Variants in RAD54B observed in about 807,000 individuals in gnomAD.
RAD54B encodes DNA repair and recombination protein RAD54B.
A neutral mutation model predicts 95.8 loss-of-function variants in RAD54B; 78 were observed. The observed-to-expected ratio is 0.81, with a 90% confidence interval of 0.68 to 0.98. The LOEUF (loss-of-function observed/expected upper bound fraction) is 0.98. Among genes scored for constraint, RAD54B ranks in the 50% least tolerant of loss-of-function variants. The pLI is 0.00. For missense variants in RAD54B, 957 were observed against 1,056.6 expected (o/e 0.91, Z 1.31); for synonymous variants, 328 against 354.9 (o/e 0.92, Z 0.85).
chr8:94,398,258 A>AT (rs1462888611), intron 8 of RAD54B, among the ~76,000 whole-genome samples: 1 of 152,064 alleles, frequency 6.6e-6, no homozygotes, highest in Admixed American at 6.6e-5. Context: ...TCCCAAAATC[A>AT]TTTTTTTAAA....
chr8:94,409,208 A>G (rs1343321746), intron 4 of RAD54B, among the ~76,000 whole-genome samples: 1 of 152,128 alleles, frequency 6.6e-6, no homozygotes, highest in Non-Finnish European at 1.5e-5. Context: ...AGGTTAATAC[A>G]TTTATTAATG....
chr8:94,392,611 T>C (rs116075321), intron 9 of RAD54B, among the ~76,000 whole-genome samples: 2,750 of 151,714 alleles, frequency 0.018, 73 homozygotes, highest in African/African-American at 0.062. Context: ...CGTTTTATTT[T>C]TTTGAAACAG....
rs1286194061 is a variant in RAD54B at position 94,400,409 on chromosome 8, T to G, written c.999A>C (p.Thr333=). The change falls in exon 7 of 15, where the codon ACA becomes ACC. Residue 333 remains threonine, a synonymous_variant. Transcript: ENST00000336148. ...ILADEMGLGK[T]LQCISLIWTL... ...TCCAGATGAGCGAAATACATTGCAA[T>G]GTCTTCCCTAAACCCATTTCATCAG... is the stretch of plus-strand genomic sequence containing the variant. 1 of 1,613,724 alleles carries G rather than the reference T, an allele frequency of 6.2e-7. No individual in the cohort carries two copies. The highest frequency in any genetic ancestry group is 8.5e-7 in the Non-Finnish European group (1 of 1,179,842).
intron 3 of RAD54B, chr8:94,430,240 A>G (rs1812055142): frequency 1.3e-6 from 1 of 775,260 alleles, no homozygotes; most frequent in Non-Finnish European, 1.6e-6. Flanking sequence ...GAACCCAGGA[A>G]ACGGAGATTG....
At chr8:94,436,501 A>T (rs985316036) in intron 3 of RAD54B, 4 of 1,544,692 alleles carry the variant, frequency 2.6e-6, no homozygotes, top group Non-Finnish European at 3.5e-6. Context: ...TTACCTTTGT[A>T]TGTGGTTCCT....
At chr8:94,430,963 T>G in intron 3 of RAD54B, 3 of 985,382 alleles carry the variant, frequency 3.0e-6, no homozygotes, top group Non-Finnish European at 3.6e-6. Context: ...CCCATTCTTT[T>G]GTCTTTTTTC....
chr8:94,392,764 A>ATTTTGTT (rs1811052459), intron 9 of RAD54B, among the ~76,000 whole-genome samples: 1 of 72,602 alleles, frequency 1.4e-5, no homozygotes, highest in African/African-American at 5.8e-5. Context: ...CACCTGGCTG[A>ATTTTGTT]TTTTTTTTTT....
intron 14 of RAD54B, among the ~76,000 whole-genome samples, chr8:94,374,760 C>A (rs1810527243): frequency 6.6e-6 from 1 of 151,856 alleles, no homozygotes; most frequent in Non-Finnish European, 1.5e-5. Context: ...CAGAAAATGA[C>A]AAAATAACAA....
Position 94,393,874 on chromosome 8 carries a change from T to A in RAD54B, c.1387A>T (p.Ile463Phe). 6.2e-7 allele frequency: 1 copy of A among 1,605,060 alleles called. No homozygotes were observed. The highest frequency in any genetic ancestry group is 8.5e-7 in the Non-Finnish European group (1 of 1,175,862). ...EKRIILTGTP[I>F]QNDLQEFFAL... ...AAAAATTCTTGCAGATCATTCTGAA[T>A]TGGAGTACCTAAAGAGAGACAAAAA... Residue 463 changes from isoleucine (I) to phenylalanine (F), a missense_variant, in exon 9 of 15, where the codon ATT (isoleucine) becomes TTT (phenylalanine). By Grantham distance (21) the Ile-to-Phe change is conservative (BLOSUM62 0). Coordinates refer to ENST00000336148, the MANE Select transcript of RAD54B (RefSeq NM_012415.3).
At chr8:94,430,407 C>T (rs1812061613) in intron 3 of RAD54B, 8 of 985,088 alleles carry the variant, frequency 8.1e-6, no homozygotes, top group African/African-American at 1.7e-5. Context: ...TACTCTTCGA[C>T]AAAAATTTTG....
chr8:94,436,346 T>C, intron 3 of RAD54B: 2 of 1,086,820 alleles, frequency 1.8e-6, no homozygotes, highest in Non-Finnish European at 2.5e-6. Context: ...TAGCCTCACT[T>C]TTCTCTTTTT....
intron 1 of RAD54B, 50 bp from the exon 2 acceptor site, chr8:94,467,605 C>A (rs1208178667): frequency 2.0e-6 from 3 of 1,508,992 alleles, no homozygotes; most frequent in Middle Eastern, 1.8e-4. Flanking sequence ...ATTACAATCA[C>A]CCCCAAATAT....
intron 14 of RAD54B, among the ~76,000 whole-genome samples, chr8:94,377,351 C>T (rs1371052793): frequency 6.6e-6 from 1 of 151,308 alleles, no homozygotes; most frequent in Non-Finnish European, 1.5e-5. Context: ...GTGTGGGCAA[C>T]ATGAAGAAAT....
chr8:94,464,320 G>C (rs531845978), intron 2 of RAD54B, among the ~76,000 whole-genome samples: 1 of 152,248 alleles, frequency 6.6e-6, no homozygotes, highest in Non-Finnish European at 1.5e-5. Context: ...CTATGAAGAC[G>C]GAAGAAGGGG....
chr8:94,427,879 T>C (rs1024506613), intron 3 of RAD54B: 1 of 954,144 alleles, frequency 1.0e-6, no homozygotes, highest in African/African-American at 1.8e-5. Flanking sequence ...AAAAAACTCA[T>C]AGTTTAAACA....
rs374561449 is a variant in RAD54B at position 94,372,364 on chromosome 8, C to T, written c.2539G>A (p.Val847Ile). ...GGACCAAGCTGACAATCTCTAGAGA[C>T]AATGAATTTTTCCAACGAATCACCT... ...HTGDSLEKFI[V>I]SRDCQLGPHH... The change falls in exon 15 of 15, where the codon GTC becomes ATC. Residue 847 changes from valine (V) to isoleucine (I), a missense_variant. Val to Ile is a conservative substitution (Grantham distance 29). Transcript: ENST00000336148. The T allele has an allele frequency of 1.1e-5, 18 of 1,612,904 alleles. No individual in the cohort carries two copies. The Middle Eastern group carries it at 6.6e-4, about 59-fold the overall frequency.
chr8:94,445,825 T>C (rs1812507444), intron 3 of RAD54B, among the ~76,000 whole-genome samples: 1 of 152,028 alleles, frequency 6.6e-6, no homozygotes, highest in Admixed American at 6.5e-5. Context: ...ACCACCACAC[T>C]TAGGCTTAAG....
chr8:94,436,982 G>T, intron 3 of RAD54B: 2 of 1,416,980 alleles, frequency 1.4e-6, no homozygotes, highest in Non-Finnish European at 1.8e-6. Flanking sequence ...GCCTCATTTA[G>T]GCCCACGCCT....
At chr8:94,428,778 A>C (rs1245800743) in intron 3 of RAD54B, 1 of 985,166 alleles carries the variant, frequency 1.0e-6, no homozygotes, top group Non-Finnish European at 1.2e-6. Flanking sequence ...ATTCCCCTTA[A>C]TGAAACTTGT....
Sources: allele counts gnomAD v4.1 joint callset (sites outside exome capture counted in the v4.1 genomes callset), GRCh38; gene constraint gnomAD v4.1.1; transcripts MANE v1.5; gene names NCBI Gene and HGNC (gene_info 2026-07-23, HGNC 2026-07-21).